The following TNRC6C variants were observed in gnomAD, a reference collection of about 807,000 sequenced individuals.
The protein encoded by TNRC6C is trinucleotide repeat-containing gene 6C protein.
In TNRC6C, 20 loss-of-function variants were observed where a neutral mutation model predicts 153.7. The ratio of observed to expected loss-of-function variants is 0.13; its 90% CI spans 0.09 to 0.19. The LOEUF is 0.19. Ranked by LOEUF, TNRC6C falls within the 10% of genes least tolerant of loss-of-function variation. TNRC6C has a pLI of 1.00. For synonymous variants in TNRC6C, 811 were observed against 841.4 expected (o/e 0.96, Z 0.63); for missense variants, 1,987 against 2,172.0 (o/e 0.91, Z 1.69).
intron 2 of TNRC6C, among the ~76,000 whole-genome samples, chr17:78,048,466 A>G (rs2072453201): frequency 6.6e-6 from 1 of 152,170 alleles, no homozygotes; most frequent in African/African-American, 2.4e-5. Flanking sequence ...TCAAAACTCT[A>G]CGTGAACTTA....
chr17:78,101,393 A>G (rs952686228), intron 17 of TNRC6C, among the ~76,000 whole-genome samples: 1 of 152,186 alleles, frequency 6.6e-6, no homozygotes, highest in Non-Finnish European at 1.5e-5. Context: ...GTCTCTAGGA[A>G]GTTCCAAACT....
chr17:77,958,065 T>A (rs899712696), upstream of TNRC6C, among the ~76,000 whole-genome samples: 1 of 151,920 alleles, frequency 6.6e-6, no homozygotes, highest in Non-Finnish European at 1.5e-5. Flanking sequence ...GCGAGCACGA[T>A]GCTCCAGGGC....
chr17:78,093,841 G>A, intron 16 of TNRC6C, 78 bp downstream of exon 18: 1 of 1,571,516 alleles, frequency 6.4e-7, no homozygotes, highest in Non-Finnish European at 8.6e-7. Context: ...TGACAGGTTG[G>A]GCTGTGAGGC....
chr17:78,094,955 G>A (rs138122764), intron 16 of TNRC6C, among the ~76,000 whole-genome samples: 1,740 of 152,328 alleles, frequency 0.011, 31 homozygotes, highest in African/African-American at 0.04. Context: ...AGCCGTGTAA[G>A]ATGGCAGAGG....
At position 78,079,842 on chromosome 17, in the gene TNRC6C, TC is replaced by T. The variant is rs1428926342; in HGVS notation, c.3357+304del. Among the ~76,000 whole-genome samples the T allele has an allele frequency of 2.6e-5, 4 of 152,028 alleles. No homozygotes were observed. The highest frequency in any genetic ancestry group is 2.1e-4 in the South Asian group (1 of 4,814). On this transcript the variant is annotated intron_variant, in intron 10 of 19. Coordinates refer to ENST00000301624, the Ensembl canonical transcript of TNRC6C. The surrounding 1 kb of genome is among the most constrained non-coding windows in gnomAD (Gnocchi z 4.3). ...AGGGGGAAGGACCTGCCCAACACAC[TC>T]CCATTGATGTGCTTTTGTCCCAGTC...
At chr17:77,985,543 A>G (rs545798059) in intron 1 of TNRC6C, among the ~76,000 whole-genome samples, 1 of 150,662 alleles carries the variant, frequency 6.6e-6, no homozygotes, top group East Asian at 2.0e-4. Flanking sequence ...CAGAGGTTGC[A>G]GTGAGCCGAG....
At chr17:78,017,257 G>A (rs1050787880) in intron 1 of TNRC6C, among the ~76,000 whole-genome samples, 3 of 152,206 alleles carry the variant, frequency 2.0e-5, no homozygotes, top group Admixed American at 1.3e-4. Context: ...AGAAAAGACT[G>A]TGTTGGTAGT....
chr17:78,093,309 G>A, intron 15 of TNRC6C, 185 bp downstream of exon 17: 3 of 742,376 alleles, frequency 4.0e-6, no homozygotes, highest in South Asian at 3.8e-5. Context: ...TTAGCATCAG[G>A]CATTTTTCTG....
intron 1 of TNRC6C, among the ~76,000 whole-genome samples, chr17:77,998,236 T>C (rs754601722): frequency 3.3e-5 from 5 of 152,214 alleles, no homozygotes; most frequent in Non-Finnish European, 7.3e-5. Flanking sequence ...AAGACTGTTA[T>C]ATAAGTGGAC....
At chr17:78,097,018 A>T (rs2073499195) in intron 16 of TNRC6C, among the ~76,000 whole-genome samples, 1 of 152,218 alleles carries the variant, frequency 6.6e-6, no homozygotes, top group East Asian at 1.9e-4. Flanking sequence ...ATACACAGTT[A>T]TTAGGACAGA....
intron 1 of TNRC6C, among the ~76,000 whole-genome samples, chr17:77,973,783 A>G (rs2070961261): frequency 6.6e-6 from 1 of 152,250 alleles, no homozygotes. Flanking sequence ...TTACAAAAGA[A>G]GTGAAGATGT....
intron 1 of TNRC6C, among the ~76,000 whole-genome samples, chr17:77,965,479 T>C (rs139802922): frequency 1.4e-3 from 215 of 152,364 alleles, no homozygotes; most frequent in Non-Finnish European, 2.1e-3. Flanking sequence ...TTAATAAATG[T>C]GTCTAGGTCC....
chr17:78,060,447 A>G (rs537491317), intron 3 of TNRC6C, among the ~76,000 whole-genome samples: 8 of 147,696 alleles, frequency 5.4e-5, no homozygotes, highest in Admixed American at 1.3e-4. Context: ...TGCCTGATCG[A>G]TTGCATTTTT....
At chr17:77,981,172 G>C (rs2071072568) in intron 1 of TNRC6C, among the ~76,000 whole-genome samples, 1 of 152,094 alleles carries the variant, frequency 6.6e-6, no homozygotes, top group African/African-American at 2.4e-5. Context: ...TAGAGGTGGG[G>C]GTCCCACTGT....
At position 78,079,042 on chromosome 17, in the gene TNRC6C, G is replaced by A. The variant is rs753233304; in HGVS notation, c.3211-353G>A. On this transcript the variant is annotated intron_variant, in intron 9 of 19. Coordinates refer to ENST00000301624, the Ensembl canonical transcript of TNRC6C. This position sits in a 1 kb window ranked among gnomAD's most constrained non-coding sequence, Gnocchi z 4.3. Reference sequence around the variant, plus strand: ...AGGGGTAGAGGTTGCAGTGAGCTGAGATCGCACTACTGCATTCCAGCCTGG... The same window carrying A: ...AGGGGTAGAGGTTGCAGTGAGCTGAAATCGCACTACTGCATTCCAGCCTGG... Among the ~76,000 whole-genome samples, 1 of 151,768 alleles carries A rather than the reference G, an allele frequency of 6.6e-6. No individual in the cohort carries two copies. Among genetic ancestry groups the A allele is most frequent in the Non-Finnish European group, 1.5e-5 (1 of 67,956 alleles).
At chr17:77,959,760 C>T (rs114995116) in intron 1 of TNRC6C, among the ~76,000 whole-genome samples, 1 of 152,214 alleles carries the variant, frequency 6.6e-6, no homozygotes, top group African/African-American at 2.4e-5. Context: ...GATTTTCTAA[C>T]GGTGCTGCGG....
chr17:78,090,059 C>T (rs1024960713), intron 13 of TNRC6C, among the ~76,000 whole-genome samples: 3 of 152,214 alleles, frequency 2.0e-5, no homozygotes, highest in African/African-American at 7.2e-5. Context: ...AGAACCCACA[C>T]AGCAGAGATT....
intron 1 of TNRC6C, among the ~76,000 whole-genome samples, chr17:77,994,760 C>T (rs546880984): frequency 6.6e-6 from 1 of 151,760 alleles, no homozygotes; most frequent in Non-Finnish European, 1.5e-5. Flanking sequence ...AAAACAAAAA[C>T]AAAACAACAG....
intron 1 of TNRC6C, among the ~76,000 whole-genome samples, chr17:78,006,507 CT>C (rs765505580): frequency 8.0e-5 from 7 of 87,240 alleles, no homozygotes; most frequent in African/African-American, 1.5e-4. Context: ...TCTTCTTCTT[CT>C]TCTTCTTCTT....
Sources: gnomAD v4.1 joint callset for allele counts (sites outside exome capture counted in the v4.1 genomes callset) on GRCh38, gnomAD v4.1.1 for gene constraint, Gnocchi (gnomAD v3.1) non-coding constraint, MANE v1.5 for transcripts, NCBI Gene and HGNC (gene_info 2026-07-23, HGNC 2026-07-21) for gene names.